Variants in GALC observed in about 807,000 individuals in gnomAD.
The protein encoded by GALC is galactocerebrosidase.
In GALC, 77 loss-of-function variants were observed where a neutral mutation model predicts 91.8. That is an observed-to-expected ratio of 0.84 (90% CI 0.70 to 1.01). The LOEUF is 1.01. Among genes scored for constraint, GALC ranks in the 50% least tolerant of loss-of-function variants. The pLI, the probability that GALC is intolerant of heterozygous loss-of-function variation, is 0.00. For missense variants in GALC, 882 were observed against 855.9 expected (o/e 1.03, Z -0.38); for synonymous variants, 357 against 306.7 (o/e 1.16, Z -1.71).
At chr14:87,963,963 A>T (rs1036700475) in intron 9 of GALC, among the ~76,000 whole-genome samples, 23 of 152,302 alleles carry the variant, frequency 1.5e-4, no homozygotes, top group African/African-American at 4.1e-4. Flanking sequence ...CTGAAAATGC[A>T]CTAAGCAATA....
At chr14:87,958,074 A>C (rs755835216) in intron 10 of GALC, among the ~76,000 whole-genome samples, 1 of 152,174 alleles carries the variant, frequency 6.6e-6, no homozygotes, top group Non-Finnish European at 1.5e-5. Context: ...CAAAAAGAAC[A>C]ATCTGGAGGT....
At chr14:87,960,473 C>G (rs548010307) in intron 10 of GALC, among the ~76,000 whole-genome samples, 2 of 152,192 alleles carry the variant, frequency 1.3e-5, no homozygotes, top group African/African-American at 2.4e-5. Flanking sequence ...CTGATTTGAC[C>G]ATTATACCAC....
intron 10 of GALC, among the ~76,000 whole-genome samples, chr14:87,957,691 A>G (rs1208418493): frequency 3.9e-5 from 6 of 152,118 alleles, no homozygotes. Flanking sequence ...TAATGTATAT[A>G]AATCAGCAGC....
chr14:87,951,114 T>C lies in GALC; in HGVS notation c.1162-366A>G, dbSNP rs375824225. Among the ~76,000 whole-genome samples, 40 of 151,884 alleles carry C rather than the reference T, an allele frequency of 2.6e-4. No individual in the cohort carries two copies. The South Asian group carries it at 8.3e-3, about 31-fold the overall frequency. ...TCACTGAAAAGACATCTCATCTAAA[T>C]ATAACTTTCGTTCTCATGTAAGAAG... On this transcript the variant is annotated intron_variant, in intron 10 of 16. Coordinates refer to ENST00000261304, the MANE Select transcript of GALC (RefSeq NM_000153.4).
chr14:87,934,690 AG>A lies in GALC; in HGVS notation c.*41del. The A allele has an allele frequency of 6.2e-7, 1 of 1,612,278 alleles. No homozygotes were observed. On this transcript the variant is annotated 3_prime_UTR_variant, in exon 17 of 17. Coordinates refer to ENST00000261304, the MANE Select transcript of GALC (RefSeq NM_000153.4). Reference sequence around the variant, plus strand: ...TGGCTCTGAACCAAAACCAAAAAGAAGGGAAGAAAATCCAGAGTATTCTATG... The same window carrying A: ...TGGCTCTGAACCAAAACCAAAAAGAAGGAAGAAAATCCAGAGTATTCTATG...
At chr14:87,938,050 T>C (rs1333790525) in intron 16 of GALC, among the ~76,000 whole-genome samples, 3 of 151,926 alleles carry the variant, frequency 2.0e-5, no homozygotes, top group East Asian at 1.9e-4. Context: ...TATAGTGGAA[T>C]AGCAAAGATA....
chr14:87,954,574 A>ATTT (rs1885440934), intron 10 of GALC: 7 of 1,570,586 alleles, frequency 4.5e-6, no homozygotes, highest in African/African-American at 1.4e-5. Context: ...GGGCAATTAC[A>ATTT]TTTAAAGCAA....
At chr14:87,935,648 A>G (rs998956942) in intron 16 of GALC, among the ~76,000 whole-genome samples, 3 of 152,092 alleles carry the variant, frequency 2.0e-5, no homozygotes, top group African/African-American at 4.8e-5. Context: ...TTATGATAGT[A>G]CATTTATGAG....
At chr14:87,966,591 C>A (rs888698856) in intron 8 of GALC, among the ~76,000 whole-genome samples, 3 of 152,148 alleles carry the variant, frequency 2.0e-5, no homozygotes, top group African/African-American at 7.2e-5. Context: ...TTTCAAAACA[C>A]CTTACTACTA....
chr14:87,963,800 C>T (rs568495361), intron 9 of GALC, among the ~76,000 whole-genome samples: 1 of 151,854 alleles, frequency 6.6e-6, no homozygotes, highest in Admixed American at 6.6e-5. Context: ...TATTCCCCCC[C>T]CAAACTTGGT....
chr14:87,989,062 T>C (rs540117351), intron 1 of GALC, among the ~76,000 whole-genome samples: 59 of 152,148 alleles, frequency 3.9e-4, no homozygotes, highest in African/African-American at 1.4e-3. Flanking sequence ...AAGACAAGGG[T>C]AGACAGCGCA....
Position 87,992,957 on chromosome 14 carries a change from G to A in GALC, c.195+13C>T, listed in dbSNP as rs370938808. 3.3e-6 allele frequency: 5 copies of A among 1,511,902 alleles called. No homozygotes were observed. The African/African-American group carries it at 5.8e-5, about 18-fold the overall frequency. The allele number at this position is 1,511,902 out of a possible 1,614,324, so 93.7% of individuals were successfully genotyped here. On this transcript the variant is annotated intron_variant, in intron 1 of 16. Coordinates refer to ENST00000261304, the MANE Select transcript of GALC (RefSeq NM_000153.4). ...TTGCCGCCCCCCGCGTATCCCCGCAGCTTGCCGCTCACCCCGCCGCCGCTG... is the reference window on the plus strand; with the variant it reads ...TTGCCGCCCCCCGCGTATCCCCGCAACTTGCCGCTCACCCCGCCGCCGCTG...
At position 87,934,749 on chromosome 14, in the gene GALC, C is replaced by A; in HGVS notation, c.2041G>T (p.Val681Leu). ...FEFAQFDNFL[V>L]EATR ...GTTAAGTATTAGCGTGTGGCTTCCA[C>A]AAGAAAGTTGTCAAACTGTGCAAAT... is the stretch of plus-strand genomic sequence containing the variant. Residue 681 changes from valine (V) to leucine (L), a missense_variant, in exon 17 of 17, where the codon GTG becomes TTG. By Grantham distance (32) the Val-to-Leu change is conservative. Transcript: ENST00000261304. 6.2e-7 allele frequency: 1 copy of A among 1,613,206 alleles called. No individual in the cohort carries two copies. Among genetic ancestry groups the A allele is most frequent in the South Asian group, 1.1e-5 (1 of 91,074 alleles).
chr14:87,971,420 C>T (rs890858400), intron 7 of GALC, among the ~76,000 whole-genome samples: 15 of 152,120 alleles, frequency 9.9e-5, no homozygotes, highest in Admixed American at 6.5e-5. Context: ...AAACCCAATA[C>T]TGTAACAGTT....
In GALC at chr14:87,982,244, C is replaced by G. The variant is rs1555383310; in HGVS notation, c.583-1G>C. On this transcript the variant is annotated splice_acceptor_variant, in intron 5 of 16. Coordinates refer to ENST00000261304, the MANE Select transcript of GALC (RefSeq NM_000153.4). LOFTEE classifies it high-confidence loss of function. ...CATTATATGACCTCTCATTCCAAAT[C>G]TGCAAAACAAAAAGTCAAAAAAGTC... 1 of 1,579,612 alleles carries G rather than the reference C, an allele frequency of 6.3e-7. No homozygotes were observed. The highest frequency in any genetic ancestry group is 8.7e-7 in the Non-Finnish European group (1 of 1,149,706).
intron 13 of GALC, among the ~76,000 whole-genome samples, chr14:87,947,372 A>G: frequency 6.6e-6 from 1 of 152,044 alleles, no homozygotes; most frequent in East Asian, 1.9e-4. Context: ...CTGCAGAAAG[A>G]CAGATATGAA....
At chr14:87,941,075 A>T (rs1039746482) in intron 15 of GALC, among the ~76,000 whole-genome samples, 1 of 151,920 alleles carries the variant, frequency 6.6e-6, no homozygotes, top group Non-Finnish European at 1.5e-5. Flanking sequence ...CCTCCTGAGC[A>T]TTCTCTCCCT....
At chr14:87,991,915 G>A (rs189233577) in intron 1 of GALC, among the ~76,000 whole-genome samples, 3 of 152,318 alleles carry the variant, frequency 2.0e-5, no homozygotes, top group Admixed American at 6.5e-5. Context: ...AATATTGGCT[G>A]TTTCAGGTTT....
At chr14:87,959,812 T>G (rs1236038026) in intron 10 of GALC, 1 of 151,938 alleles carries the variant, frequency 6.6e-6, no homozygotes, top group Non-Finnish European at 1.5e-5. Context: ...AATATATATG[T>G]TAAAGAGGTA....
Sources: gnomAD v4.1 joint callset for allele counts (sites outside exome capture counted in the v4.1 genomes callset) on GRCh38, gnomAD v4.1.1 for gene constraint, MANE v1.5 for transcripts, NCBI Gene and HGNC (gene_info 2026-07-23, HGNC 2026-07-21) for gene names.